DOCK3: variants seen among roughly 807,000 people sequenced by gnomAD.
DOCK3 encodes dedicator of cytokinesis protein 3.
DOCK3 carries 60 observed loss-of-function variants against 265.6 expected under a neutral mutation model. The observed-to-expected ratio is 0.23, with a 90% CI of 0.18 to 0.28. The LOEUF is 0.28. Among genes scored for constraint, DOCK3 ranks in the 10% least tolerant of loss-of-function variants. The probability of loss-of-function intolerance (pLI) is 1.00; values close to 1 mark genes in which losing one functional copy is unlikely to be tolerated. For synonymous variants in DOCK3, 881 were observed against 938.0 expected (o/e 0.94, Z 1.11); for missense variants, 1,981 against 2,594.3 (o/e 0.76, Z 5.14).
chr3:50,847,111 G>A (rs1406683013), intron 3 of DOCK3, among the ~76,000 whole-genome samples: 2 of 151,844 alleles, frequency 1.3e-5, no homozygotes, highest in African/African-American at 4.8e-5. Flanking sequence ...TAGGTGTTTA[G>A]CATTATAAAC....
chr3:50,719,846 A>G (rs1024562618), intron 1 of DOCK3: 4 of 728,748 alleles, frequency 5.5e-6, no homozygotes, highest in South Asian at 4.4e-5. Flanking sequence ...AACCAAATGC[A>G]TTCTTTCCAG....
intron 38 of DOCK3, among the ~76,000 whole-genome samples, chr3:51,347,425 G>C (rs1576887919): frequency 6.6e-6 from 1 of 152,098 alleles, no homozygotes; most frequent in Admixed American, 6.5e-5. Context: ...TTTTTGTCAG[G>C]TTTGTCAAAG....
intron 4 of DOCK3, among the ~76,000 whole-genome samples, chr3:50,907,695 G>A (rs1164897007): frequency 1.3e-5 from 2 of 152,060 alleles, no homozygotes; most frequent in Non-Finnish European, 2.9e-5. Flanking sequence ...GATGGGTCTT[G>A]ACTCTATCCA....
intron 1 of DOCK3, among the ~76,000 whole-genome samples, chr3:50,701,332 G>C (rs2036027716): frequency 6.6e-6 from 1 of 152,026 alleles, no homozygotes; most frequent in African/African-American, 2.4e-5. Context: ...TGCTCAGGTT[G>C]GTCTTGAACC....
chr3:50,719,530 G>A (rs1289207834), intron 1 of DOCK3: 27 of 1,145,076 alleles, frequency 2.4e-5, no homozygotes, highest in African/African-American at 4.6e-5. Context: ...TGGTCTTGCC[G>A]TTTCTGGATC....
intron 14 of DOCK3, among the ~76,000 whole-genome samples, chr3:51,217,416 T>C (rs2089847786): frequency 6.6e-6 from 1 of 152,186 alleles, no homozygotes; most frequent in Non-Finnish European, 1.5e-5. Flanking sequence ...CCCATGATAA[T>C]GAGCAAGAGG....
chr3:50,827,607 T>A (rs547508114), intron 2 of DOCK3, among the ~76,000 whole-genome samples: 1 of 152,248 alleles, frequency 6.6e-6, no homozygotes, highest in African/African-American at 2.4e-5. Context: ...TATATAAATA[T>A]TAGAATGGTG....
At chr3:51,033,988 G>A (rs967437810) in intron 5 of DOCK3, among the ~76,000 whole-genome samples, 1 of 152,092 alleles carries the variant, frequency 6.6e-6, no homozygotes, top group African/African-American at 2.4e-5. Context: ...ACAGAATTCA[G>A]GTTGCTCTGA....
chr3:50,971,391 A>G (rs1346771166), intron 5 of DOCK3, among the ~76,000 whole-genome samples: 1 of 152,046 alleles, frequency 6.6e-6, no homozygotes. Context: ...GTATAGGGTC[A>G]TTAGGTTCTG....
At chr3:51,254,940 T>C (rs2079465751) in intron 22 of DOCK3, among the ~76,000 whole-genome samples, 1 of 152,254 alleles carries the variant, frequency 6.6e-6, no homozygotes, top group Non-Finnish European at 1.5e-5. Flanking sequence ...TGCTCGTTAA[T>C]TGATGCAGTT....
chr3:51,086,909 A>G lies in DOCK3; in HGVS notation c.550-2334A>G, dbSNP rs1447436524. On this transcript the variant is annotated intron_variant, in intron 7 of 52. Transcript: ENST00000266037. The stretch of plus-strand genomic sequence containing the variant: ...ATTAATTCCTGGACACACACAATCT[A>G]CCAAGATTGAATCATGAAGAAATGA... Among the ~76,000 whole-genome samples, 3 of 152,186 alleles carry G rather than the reference A, an allele frequency of 2.0e-5. No homozygotes were observed. In the East Asian group the frequency reaches 5.8e-4, roughly 29 times the overall value.
intron 5 of DOCK3, among the ~76,000 whole-genome samples, chr3:51,055,341 C>A (rs2081156731): frequency 6.6e-6 from 1 of 152,174 alleles, no homozygotes; most frequent in East Asian, 1.9e-4. Flanking sequence ...TCTGCAGAGG[C>A]TTGCATCTTA....
intron 5 of DOCK3, among the ~76,000 whole-genome samples, chr3:50,991,778 A>G (rs1179784983): frequency 1.3e-5 from 2 of 152,184 alleles, no homozygotes; most frequent in Non-Finnish European, 2.9e-5. Context: ...AAAAAAAAAC[A>G]ACAGAATATA....
At chr3:51,002,037 C>T (rs972798447) in intron 5 of DOCK3, among the ~76,000 whole-genome samples, 1 of 151,852 alleles carries the variant, frequency 6.6e-6, no homozygotes, top group Non-Finnish European at 1.5e-5. Flanking sequence ...TCTCAAACTC[C>T]TGGGCTAAAG....
At chr3:51,276,137 A>C (rs1175406376) in intron 25 of DOCK3, among the ~76,000 whole-genome samples, 1 of 152,194 alleles carries the variant, frequency 6.6e-6, no homozygotes, top group Non-Finnish European at 1.5e-5. Context: ...AAAAGAGTAT[A>C]TTTTGTTCGA....
intron 49 of DOCK3, among the ~76,000 whole-genome samples, chr3:51,367,787 A>T (rs959555501): frequency 3.3e-5 from 5 of 152,190 alleles, no homozygotes; most frequent in African/African-American, 2.4e-5. Context: ...TGGGTTAAAA[A>T]TTCTTTTCTT....
intron 5 of DOCK3, among the ~76,000 whole-genome samples, chr3:51,017,268 A>G (rs1228944220): frequency 1.3e-5 from 2 of 150,422 alleles, no homozygotes; most frequent in African/African-American, 2.5e-5. Flanking sequence ...TTCTATTTTT[A>G]TCTTAGTTTG....
chr3:50,865,445 C>T (rs1417091300), intron 3 of DOCK3, among the ~76,000 whole-genome samples: 1 of 152,156 alleles, frequency 6.6e-6, no homozygotes, highest in African/African-American at 2.4e-5. Flanking sequence ...ACATAGTGAT[C>T]TCTAGTTTCA....
At chr3:51,176,748 GA>G (rs1307466637) in intron 12 of DOCK3, among the ~76,000 whole-genome samples, 1 of 152,054 alleles carries the variant, frequency 6.6e-6, no homozygotes, top group Non-Finnish European at 1.5e-5. Context: ...GGCAATCTAA[GA>G]CAGAAAAAGA....
Sources: gnomAD v4.1 joint callset for allele counts (sites outside exome capture counted in the v4.1 genomes callset) on GRCh38, gnomAD v4.1.1 for gene constraint, MANE v1.5 for transcripts, NCBI Gene and HGNC (gene_info 2026-07-23, HGNC 2026-07-21) for gene names.